Variants in CRISP2 observed in about 807,000 individuals in gnomAD.
CRISP2 encodes the protein cysteine rich secretory protein 2, also known as cysteine-rich secretory protein 2.
Under a neutral mutation model 31.7 loss-of-function variants are expected in CRISP2, and 29 were observed. The observed-to-expected ratio is 0.92, with a 90% CI of 0.68 to 1.25. CRISP2 has a LOEUF of 1.25. Ranked by LOEUF, CRISP2 falls within the 50% of genes most tolerant of loss-of-function variation. The probability of loss-of-function intolerance (pLI) is 0.00; values close to 1 mark genes in which losing one functional copy is unlikely to be tolerated. For synonymous variants in CRISP2, 111 were observed against 101.4 expected (o/e 1.09, Z -0.57); for missense variants, 318 against 286.5 (o/e 1.11, Z -0.79).
downstream of CRISP2, among the ~76,000 whole-genome samples, chr6:49,689,213 ATAATT>A (rs1262401964): frequency 6.6e-6 from 1 of 152,162 alleles, no homozygotes; most frequent in African/African-American, 2.4e-5. Context: ...TTCCTAAAGC[ATAATT>A]TAAAACCACC....
At chr6:49,702,716 C>T (rs1263096190) in intron 4 of CRISP2, among the ~76,000 whole-genome samples, 3 of 151,836 alleles carry the variant, frequency 2.0e-5, no homozygotes, top group Non-Finnish European at 4.4e-5. Context: ...AGTTGGATAA[C>T]TAGTTTGCGA....
downstream of CRISP2, among the ~76,000 whole-genome samples, chr6:49,688,015 C>A (rs902356920): frequency 6.6e-6 from 1 of 152,154 alleles, no homozygotes; most frequent in Non-Finnish European, 1.5e-5. Context: ...CTTTGATATG[C>A]CGAGGGACTG....
intron 8 of CRISP2, 40 bp downstream of exon 8, chr6:49,697,820 G>C (rs1412621073): frequency 6.2e-7 from 1 of 1,602,256 alleles, no homozygotes; most frequent in Non-Finnish European, 8.5e-7. Context: ...ATAAATTGCA[G>C]ATAGAATTAT....
chr6:49,713,774 C>T (rs547497615), upstream of CRISP2, among the ~76,000 whole-genome samples: 2 of 152,290 alleles, frequency 1.3e-5, no homozygotes, highest in East Asian at 3.9e-4. Flanking sequence ...GTTCGCATAC[C>T]TGCGCCGTAC....
At chr6:49,707,233 G>A (rs1292955124) in intron 4 of CRISP2, among the ~76,000 whole-genome samples, 4 of 152,214 alleles carry the variant, frequency 2.6e-5, no homozygotes, top group East Asian at 1.9e-4. Flanking sequence ...AATAAGTGAC[G>A]TGACATAAGT....
intron 9 of CRISP2, 83 bp from the exon 10 acceptor site, chr6:49,692,983 G>T: frequency 1.4e-6 from 2 of 1,465,956 alleles, no homozygotes; most frequent in African/African-American, 1.4e-5. Context: ...GTGGGGAGGG[G>T]GTAGGAGGGA....
Position 49,699,878 on chromosome 6 carries a change from T to G in CRISP2, c.197A>C (p.Glu66Ala), listed in dbSNP as rs748945767. The G allele has an allele frequency of 1.9e-6, 3 of 1,612,500 alleles. No individual in the cohort carries two copies. Among genetic ancestry groups the G allele is most frequent in the Non-Finnish European group, 2.5e-6 (3 of 1,179,022 alleles). ...CCACCTTTGGGCATTCGTTGTTACC[T>G]CTCTGCTCCATTCCTAAACGTCACA... ...SNMLKMEWSREVTTNAQRWAN... is the reference protein window; with the variant it reads ...SNMLKMEWSRAVTTNAQRWAN... The change falls in exon 6 of 10, where the codon GAG becomes GCG. Residue 66 changes from glutamate (E) to alanine (A), a missense_variant. By Grantham distance (107) the Glu-to-Ala change is moderately radical (BLOSUM62 -1). Coordinates refer to ENST00000339139, the MANE Select transcript of CRISP2 (RefSeq NM_003296.4).
At chr6:49,700,053 T>A (rs1356086468) in intron 5 of CRISP2, among the ~76,000 whole-genome samples, 162 bp from the exon 6 acceptor site, 1 of 152,134 alleles carries the variant, frequency 6.6e-6, no homozygotes, top group Non-Finnish European at 1.5e-5. Context: ...CTGGTGCCAG[T>A]TTACACATGA....
intron 4 of CRISP2, among the ~76,000 whole-genome samples, chr6:49,703,888 G>C (rs1045839907): frequency 2.0e-5 from 3 of 152,042 alleles, no homozygotes; most frequent in African/African-American, 7.2e-5. Flanking sequence ...TCTTTTATTT[G>C]AATGTGTAGG....
intron 2 of CRISP2, among the ~76,000 whole-genome samples, chr6:49,711,779 G>A (rs898765681): frequency 3.9e-5 from 6 of 152,084 alleles, no homozygotes; most frequent in Admixed American, 2.6e-4. Flanking sequence ...ATCAGGTCTG[G>A]GAAATCTATG....
the CRISP2 span, among the ~76,000 whole-genome samples, chr6:49,686,444 T>A: frequency 6.6e-6 from 1 of 152,212 alleles, no homozygotes; most frequent in African/African-American, 2.4e-5. Flanking sequence ...TTGTTAGATA[T>A]TGCCAAATTT....
chr6:49,698,083 A>G (rs1765082539), intron 7 of CRISP2, 126 bp from the exon 8 acceptor site: 1 of 768,018 alleles, frequency 1.3e-6, no homozygotes, highest in Non-Finnish European at 2.0e-6. Context: ...AAATATTTAA[A>G]TTATTGAACC....
chr6:49,699,424 G>GGCAGT (rs1220753958), intron 6 of CRISP2, among the ~76,000 whole-genome samples: 1 of 151,794 alleles, frequency 6.6e-6, no homozygotes, highest in Non-Finnish European at 1.5e-5. Context: ...TAACAAAAAG[G>GGCAGT]GCAGTGGGTT....
At chr6:49,697,098 T>C (rs1391077671) in intron 8 of CRISP2, among the ~76,000 whole-genome samples, 1 of 152,098 alleles carries the variant, frequency 6.6e-6, no homozygotes, top group East Asian at 1.9e-4. Flanking sequence ...TCGAAACAAA[T>C]CCTGTAGCTG....
At chr6:49,704,474 G>A (rs1766655589) in intron 4 of CRISP2, among the ~76,000 whole-genome samples, 1 of 152,208 alleles carries the variant, frequency 6.6e-6, no homozygotes, top group African/African-American at 2.4e-5. Flanking sequence ...CTTCTCATCA[G>A]GTAGACTATG....
chr6:49,704,689 G>A (rs532727690), intron 4 of CRISP2, among the ~76,000 whole-genome samples: 3 of 152,304 alleles, frequency 2.0e-5, no homozygotes, highest in Admixed American at 1.3e-4. Context: ...AGAGTCCTGT[G>A]ATGTGATCCA....
At chr6:49,697,526 TAGA>T (rs1396028175) in intron 8 of CRISP2, 2 of 394,518 alleles carry the variant, frequency 5.1e-6, no homozygotes, top group Admixed American at 3.5e-5. Flanking sequence ...TCTATACTCC[TAGA>T]GTATGAAATT....
chr6:49,712,882 AC>A (rs1285502004), intron 1 of CRISP2, among the ~76,000 whole-genome samples: 6 of 152,126 alleles, frequency 3.9e-5, no homozygotes, highest in Non-Finnish European at 7.4e-5. Context: ...GAAAATTGCA[AC>A]CTTTTTTCAA....
chr6:49,688,392 C>T (rs1167336356), downstream of CRISP2, among the ~76,000 whole-genome samples: 1 of 151,872 alleles, frequency 6.6e-6, no homozygotes, highest in Non-Finnish European at 1.5e-5. Context: ...GGGAAATATA[C>T]AGAATATAAA....
Sources: gnomAD v4.1 joint callset for allele counts (sites outside exome capture counted in the v4.1 genomes callset) on GRCh38, gnomAD v4.1.1 for gene constraint, MANE v1.5 for transcripts, NCBI Gene and HGNC (gene_info 2026-07-23, HGNC 2026-07-21) for gene names.